Variants in GTF2A1 observed in about 807,000 individuals in gnomAD.
GTF2A1 encodes the protein general transcription factor IIA subunit 1, also known as transcription initiation factor IIA subunit 1.
Under a neutral mutation model 54.1 loss-of-function variants are expected in GTF2A1, and 12 were observed. That is an observed-to-expected ratio of 0.22 (90% CI 0.14 to 0.36). GTF2A1 has a LOEUF of 0.36. Ranked by LOEUF, GTF2A1 falls within the 10% of genes least tolerant of loss-of-function variation. The probability of loss-of-function intolerance (pLI) is 1.00; values close to 1 mark genes in which losing one functional copy is unlikely to be tolerated. For missense variants in GTF2A1, 335 were observed against 442.2 expected, an observed-to-expected ratio of 0.76 and a Z score of 2.17; for synonymous variants, 145 against 152.0, an observed-to-expected ratio of 0.95 and a Z score of 0.34.
At chr14:81,183,115 CT>C (rs1425098167) in intron 8 of GTF2A1, among the ~76,000 whole-genome samples, 2 of 152,140 alleles carry the variant, frequency 1.3e-5, no homozygotes, top group African/African-American at 4.8e-5. Flanking sequence ...TCTATCTCCC[CT>C]GATTGGAGTA....
chr14:81,196,294 A>G, intron 5 of GTF2A1, 53 bp from the exon 6 acceptor site: 1 of 1,578,550 alleles, frequency 6.3e-7, no homozygotes, highest in Non-Finnish European at 8.7e-7. Context: ...GACCATCTCA[A>G]AAGAAATGAA....
chr14:81,201,455 T>C, intron 4 of GTF2A1, 139 bp downstream of exon 4: 1 of 510,456 alleles, frequency 2.0e-6, no homozygotes, highest in South Asian at 3.4e-5. Context: ...TCAGATCCAA[T>C]ATTCAGGAAA....
chr14:81,215,038 T>C (rs1893457427), intron 2 of GTF2A1, among the ~76,000 whole-genome samples: 2 of 152,230 alleles, frequency 1.3e-5, no homozygotes, highest in Non-Finnish European at 2.9e-5. Context: ...CTGTGAACTT[T>C]TCATACTTTT....
At chr14:81,191,720 G>A (rs1892880773) in intron 7 of GTF2A1, among the ~76,000 whole-genome samples, 1 of 152,076 alleles carries the variant, frequency 6.6e-6, no homozygotes, top group Non-Finnish European at 1.5e-5. Context: ...AGGCATCTAA[G>A]GCACTTTAAA....
chr14:81,192,256 C>T (rs1892890918), intron 7 of GTF2A1, among the ~76,000 whole-genome samples: 1 of 152,152 alleles, frequency 6.6e-6, no homozygotes, highest in South Asian at 2.1e-4. Context: ...TACCTGTACT[C>T]TTTACTACAC....
At chr14:81,183,619 G>C (rs948489898) in intron 8 of GTF2A1, among the ~76,000 whole-genome samples, 1 of 152,168 alleles carries the variant, frequency 6.6e-6, no homozygotes, top group African/African-American at 2.4e-5. Flanking sequence ...TATTCTTAAA[G>C]CCAGGAGAAA....
At chr14:81,197,705 G>A (rs1893020168) in intron 4 of GTF2A1, among the ~76,000 whole-genome samples, 1 of 152,078 alleles carries the variant, frequency 6.6e-6, no homozygotes, top group Non-Finnish European at 1.5e-5. Context: ...ATATAATTGG[G>A]TTTTTTCCCC....
chr14:81,214,430 G>A (rs1291696989), intron 2 of GTF2A1, among the ~76,000 whole-genome samples: 3 of 152,044 alleles, frequency 2.0e-5, no homozygotes, highest in African/African-American at 7.2e-5. Flanking sequence ...GGGATCACAA[G>A]GTCAGGAGAT....
chr14:81,196,606 C>A (rs1288130606), intron 5 of GTF2A1, among the ~76,000 whole-genome samples: 1 of 152,104 alleles, frequency 6.6e-6, no homozygotes. Context: ...ATTTTTAAAG[C>A]TTTAAAGGAA....
At chr14:81,207,812 C>A (rs1008871944) in intron 2 of GTF2A1, among the ~76,000 whole-genome samples, 1 of 152,218 alleles carries the variant, frequency 6.6e-6, no homozygotes, top group Admixed American at 6.5e-5. Flanking sequence ...AAGAGACTGG[C>A]GGCATTTTGC....
intron 2 of GTF2A1, among the ~76,000 whole-genome samples, chr14:81,208,736 T>TC (rs964394390): frequency 3.3e-5 from 5 of 152,224 alleles, no homozygotes; most frequent in African/African-American, 9.6e-5. Flanking sequence ...GGAACCCACC[T>TC]CTTGCATCAG....
chr14:81,184,062 G>A (rs530357589), intron 8 of GTF2A1, among the ~76,000 whole-genome samples: 41 of 152,122 alleles, frequency 2.7e-4, no homozygotes, highest in Non-Finnish European at 4.9e-4. Context: ...ACCATTTAGA[G>A]CTATCTCCCA....
rs751037436 is a variant in GTF2A1, at chr14:81,191,204, G to GTCC, written c.933+1314_933+1315insGGA. Among the ~76,000 whole-genome samples, 605 of 152,318 alleles carry GTCC rather than the reference G, an allele frequency of 4.0e-3. 3 individuals are homozygous for GTCC. Among genetic ancestry groups the GTCC allele is most frequent in the Non-Finnish European group, 7.2e-3 (489 of 68,014 alleles). On this transcript the variant is annotated intron_variant, in intron 7 of 8. Transcript: ENST00000553612. The stretch of plus-strand genomic sequence containing the variant: ...AGGAAGCCTGACACTATCAGGTATT[G>GTCC]ATAAGGGGGTATGGACATCTGCACA...
chr14:81,192,488 G>A, intron 7 of GTF2A1, 31 bp downstream of exon 7: 1 of 1,523,866 alleles, frequency 6.6e-7, no homozygotes. Flanking sequence ...TAATCAAGTA[G>A]ATTATTTTAA....
intron 4 of GTF2A1, among the ~76,000 whole-genome samples, chr14:81,201,210 T>G (rs1893102895): frequency 6.6e-6 from 1 of 152,196 alleles, no homozygotes; most frequent in South Asian, 2.1e-4. Flanking sequence ...TATACTGAAC[T>G]ATCCAGTCTA....
chr14:81,191,538 C>A (rs1402632042), intron 7 of GTF2A1, among the ~76,000 whole-genome samples: 1 of 152,010 alleles, frequency 6.6e-6, no homozygotes, highest in Non-Finnish European at 1.5e-5. Context: ...GGGAAAAAAC[C>A]AACTTGCAGA....
chr14:81,217,886 A>T (rs190718763), intron 1 of GTF2A1, among the ~76,000 whole-genome samples: 1 of 152,278 alleles, frequency 6.6e-6, no homozygotes, highest in Admixed American at 6.5e-5. Context: ...ACCAATTCAA[A>T]TATCTGGGTT....
chr14:81,192,930 A>G, intron 6 of GTF2A1, 91 bp from the exon 7 acceptor site: 1 of 763,618 alleles, frequency 1.3e-6, no homozygotes, highest in East Asian at 2.5e-5. Flanking sequence ...GATTCACCAG[A>G]ATGGCCATAT....
chr14:81,194,142 C>T (rs1892937926), intron 6 of GTF2A1, among the ~76,000 whole-genome samples: 1 of 152,218 alleles, frequency 6.6e-6, no homozygotes, highest in Non-Finnish European at 1.5e-5. Flanking sequence ...GATGAGCCAG[C>T]ATCACCACCT....
Sources: gnomAD v4.1 joint callset for allele counts (sites outside exome capture counted in the v4.1 genomes callset) on GRCh38, gnomAD v4.1.1 for gene constraint, MANE v1.5 for transcripts, NCBI Gene and HGNC (gene_info 2026-07-23, HGNC 2026-07-21) for gene names.